Variants in CDC73 observed in about 807,000 individuals in gnomAD.
CDC73 encodes the protein parafibromin.
In CDC73, 21 loss-of-function variants were observed where a neutral mutation model predicts 83.7. The ratio of observed to expected loss-of-function variants is 0.25; its 90% CI spans 0.18 to 0.36. The LOEUF (loss-of-function observed/expected upper bound fraction) is 0.36. CDC73 is among the 10% of genes least tolerant of loss of function. The pLI is 1.00. For missense variants in CDC73, 342 were observed against 653.3 expected (o/e 0.52, Z 5.19); for synonymous variants, 224 against 212.9 (o/e 1.05, Z -0.45).
At chr1:193,224,151 C>A (rs1319483837) in intron 13 of CDC73, among the ~76,000 whole-genome samples, 1 of 151,984 alleles carries the variant, frequency 6.6e-6, no homozygotes, top group South Asian at 2.1e-4. Flanking sequence ...CCTCCACTCC[C>A]CCACCCTTCC....
intron 10 of CDC73, among the ~76,000 whole-genome samples, chr1:193,177,801 A>G (rs900769995): frequency 5.9e-5 from 9 of 152,194 alleles, no homozygotes; most frequent in Admixed American, 2.6e-4. Flanking sequence ...TTGAGATTAT[A>G]TGTGATTATG....
chr1:193,151,211 A>G (rs1227585230), intron 9 of CDC73, among the ~76,000 whole-genome samples: 1 of 152,218 alleles, frequency 6.6e-6, no homozygotes, highest in Non-Finnish European at 1.5e-5. Flanking sequence ...GATATTTTTA[A>G]GCATAATCTG....
chr1:193,224,728 C>T (rs967086715), intron 13 of CDC73, among the ~76,000 whole-genome samples: 2 of 152,032 alleles, frequency 1.3e-5, no homozygotes, highest in African/African-American at 4.8e-5. Flanking sequence ...AAATGGTGGT[C>T]TCAGAGCACT....
chr1:193,238,707 CAT>C (rs1472570082), intron 15 of CDC73, among the ~76,000 whole-genome samples: 1 of 152,116 alleles, frequency 6.6e-6, no homozygotes, highest in Non-Finnish European at 1.5e-5. Context: ...AAATATTTTA[CAT>C]GTTAGCATTG....
At chr1:193,235,155 AC>A (rs1223878506) in intron 14 of CDC73, among the ~76,000 whole-genome samples, 1 of 152,154 alleles carries the variant, frequency 6.6e-6, no homozygotes, top group Non-Finnish European at 1.5e-5. Context: ...TCATAATAAT[AC>A]TGAGATGGCT....
At chr1:193,124,698 T>C (rs1357570600) in intron 1 of CDC73, among the ~76,000 whole-genome samples, 1 of 152,238 alleles carries the variant, frequency 6.6e-6, no homozygotes, top group Non-Finnish European at 1.5e-5. Context: ...TGTTCAGCAG[T>C]ATCTTATTTA....
intron 15 of CDC73, among the ~76,000 whole-genome samples, chr1:193,239,144 C>T (rs200056511): frequency 2.0e-5 from 3 of 152,192 alleles, no homozygotes; most frequent in African/African-American, 7.2e-5. Flanking sequence ...TCTGTGATAT[C>T]TCATTGGTAC....
chr1:193,247,740 C>G (rs1677978442), intron 15 of CDC73, among the ~76,000 whole-genome samples: 1 of 152,062 alleles, frequency 6.6e-6, no homozygotes, highest in South Asian at 2.1e-4. Context: ...GCAGATCAAA[C>G]CAGCCATAAT....
At chr1:193,177,358 C>CAAAAAAA (rs10672869) in intron 10 of CDC73, among the ~76,000 whole-genome samples, 790 of 69,502 alleles carry the variant, frequency 0.011, 54 homozygotes, top group South Asian at 0.054. Context: ...ACTAAAAATA[C>CAAAAAAA]AAAAAAAAAA....
rs1572146630 is a variant in CDC73 at position 193,130,188 on chromosome 1, T to G, written c.252T>G (p.Pro84=). The stretch of plus-strand genomic sequence containing the variant: ...TTTGGTTTTAGACTGAAAATATTCC[T>G]GTGGTTAGAAGACCTGATCGAAAAG... The part of the protein sequence containing the change: ...YVRRAATENI[P]VVRRPDRKDL... Residue 84 remains proline, a synonymous_variant, in exon 3 of 17, where the codon CCT becomes CCG. Coordinates refer to ENST00000367435, the MANE Select transcript of CDC73 (RefSeq NM_024529.5). 1 of 1,591,972 alleles carries G rather than the reference T, an allele frequency of 6.3e-7. No homozygotes were observed. The highest frequency in any genetic ancestry group is 8.6e-7 in the Non-Finnish European group (1 of 1,160,188).
chr1:193,207,783 A>T (rs1433630977), intron 11 of CDC73, among the ~76,000 whole-genome samples: 4 of 152,218 alleles, frequency 2.6e-5, no homozygotes, highest in African/African-American at 9.6e-5. Context: ...TTTGTACAAT[A>T]GTGGTCCTGA....
intron 13 of CDC73, among the ~76,000 whole-genome samples, chr1:193,212,908 A>G (rs957600488): frequency 1.3e-5 from 2 of 152,174 alleles, no homozygotes; most frequent in African/African-American, 2.4e-5. Flanking sequence ...AATGAAACCT[A>G]TAAATGATGA....
At chr1:193,143,602 CTGAG>C (rs1008959157) in intron 7 of CDC73, among the ~76,000 whole-genome samples, 3 of 151,952 alleles carry the variant, frequency 2.0e-5, no homozygotes, top group Non-Finnish European at 2.9e-5. Context: ...CTAGGCTTGC[CTGAG>C]TATTATTAGT....
At chr1:193,131,858 C>G (rs903333178) in intron 3 of CDC73, among the ~76,000 whole-genome samples, 1 of 152,188 alleles carries the variant, frequency 6.6e-6, no homozygotes, top group Non-Finnish European at 1.5e-5. Context: ...TTCCTTTCCT[C>G]CTTCTGTGGT....
chr1:193,141,917 A>C lies in CDC73; in HGVS notation c.580A>C (p.Arg194=). 6.2e-7 allele frequency: 1 copy of C among 1,613,896 alleles called. No homozygotes were observed. The highest frequency in any genetic ancestry group is 1.1e-5 in the South Asian group (1 of 91,072). The part of the protein sequence containing the change: ...AIKAKIMAKK[R]STIKTDLDDD... Reference sequence around the variant, plus strand: ...CAAAGCCAAAATTATGGCTAAGAAAAGATCTACTATCAAGACTGATCTAGA... The same window carrying C: ...CAAAGCCAAAATTATGGCTAAGAAACGATCTACTATCAAGACTGATCTAGA... The change falls in exon 7 of 17, where the codon AGA becomes CGA. Residue 194 remains arginine, a synonymous_variant. Coordinates refer to ENST00000367435, the MANE Select transcript of CDC73 (RefSeq NM_024529.5).
intron 15 of CDC73, among the ~76,000 whole-genome samples, chr1:193,248,372 A>G (rs538938277): frequency 1.3e-5 from 2 of 152,252 alleles, no homozygotes; most frequent in East Asian, 3.9e-4. Flanking sequence ...GTACCTAGTC[A>G]TGCAAGAGCT....
At chr1:193,127,388 T>C (rs767982201) in intron 2 of CDC73, among the ~76,000 whole-genome samples, 2 of 151,874 alleles carry the variant, frequency 1.3e-5, no homozygotes, top group Non-Finnish European at 2.9e-5. Context: ...TCTGCTTTCC[T>C]GAGTAAGAAA....
chr1:193,152,169 T>C (rs1676125273), intron 9 of CDC73, among the ~76,000 whole-genome samples: 1 of 152,192 alleles, frequency 6.6e-6, no homozygotes, highest in African/African-American at 2.4e-5. Context: ...GGCTTGCTGG[T>C]CTGTATTTAA....
Position 193,180,196 on chromosome 1 carries a change from G to A in CDC73, c.973-23599G>A, listed in dbSNP as rs535418215. The A allele has an allele frequency of 1.2e-4, 137 of 1,111,708 alleles. 1 individual carries two copies. The South Asian group carries it at 2.8e-3, about 23-fold the overall frequency. The allele number at this position is 1,111,708 out of a possible 1,614,324, so 68.9% of individuals were successfully genotyped here. A position where few individuals can be genotyped will look rare whatever the true frequency, so the allele number is the denominator to read the frequency against. On this transcript the variant is annotated intron_variant, in intron 10 of 16. Coordinates refer to ENST00000367435, the MANE Select transcript of CDC73 (RefSeq NM_024529.5). Reference sequence around the variant, plus strand: ...CTTCTTGAATTTCTTTATGTGATGAGTTTTAACTAAAACTTGTCCTACGGA... The same window carrying A: ...CTTCTTGAATTTCTTTATGTGATGAATTTTAACTAAAACTTGTCCTACGGA...
Sources: allele counts gnomAD v4.1 joint callset (sites outside exome capture counted in the v4.1 genomes callset), GRCh38; gene constraint gnomAD v4.1.1; transcripts MANE v1.5; gene names NCBI Gene and HGNC (gene_info 2026-07-23, HGNC 2026-07-21).